ANO1: variants seen among roughly 807,000 people sequenced by gnomAD.
ANO1 encodes anoctamin-1.
ANO1 carries 59 observed loss-of-function variants against 124.0 expected under a neutral mutation model. The ratio of observed to expected loss-of-function variants is 0.48; its 90% CI spans 0.39 to 0.59. The LOEUF is 0.59. ANO1 is among the 20% of genes least tolerant of loss of function. ANO1 has a pLI of 0.00. For synonymous variants in ANO1, 529 were observed against 532.0 expected (o/e 0.99, Z 0.08); for missense variants, 1,059 against 1,328.0 (o/e 0.80, Z 3.15).
At chr11:70,063,676 G>A (rs1857649393) in intron 1 of ANO1, 1 of 152,092 alleles carries the variant, frequency 6.6e-6, no homozygotes, top group Admixed American at 6.5e-5. Flanking sequence ...ATAAGAACTG[G>A]TCATACCTAG....
At chr11:70,110,779 C>T (rs1283377934) in intron 6 of ANO1, among the ~76,000 whole-genome samples, 8 of 152,208 alleles carry the variant, frequency 5.3e-5, no homozygotes, top group African/African-American at 1.9e-4. Context: ...CCCATGGAAA[C>T]GCCCCCGCCT....
At chr11:70,104,703 G>A (rs971058522) in intron 4 of ANO1, among the ~76,000 whole-genome samples, 2 of 152,188 alleles carry the variant, frequency 1.3e-5, no homozygotes, top group African/African-American at 4.8e-5. Context: ...GGCCTCTGCT[G>A]GCCTCACTGG....
intron 1 of ANO1, among the ~76,000 whole-genome samples, chr11:70,065,680 C>T (rs1027480099): frequency 6.6e-6 from 1 of 152,024 alleles, no homozygotes; most frequent in Non-Finnish European, 1.5e-5. Context: ...CTGCCCTTGT[C>T]CCCCGTCGTC....
intron 8 of ANO1, among the ~76,000 whole-genome samples, chr11:70,122,433 TCCAC>T (rs2046330434): frequency 3.0e-5 from 4 of 133,292 alleles, no homozygotes; most frequent in African/African-American, 1.2e-4. Context: ...TCTGTCTCTC[TCCAC>T]CTCCCCACCT....
At chr11:70,107,304 G>A (rs560496343) in intron 5 of ANO1, among the ~76,000 whole-genome samples, 3 of 152,154 alleles carry the variant, frequency 2.0e-5, no homozygotes, top group Non-Finnish European at 2.9e-5. Context: ...CAGAGCCACC[G>A]GGAGGGTGGT....
chr11:70,131,302 AATGTGT>A (rs1342889841), intron 10 of ANO1, among the ~76,000 whole-genome samples: 1 of 139,334 alleles, frequency 7.2e-6, no homozygotes, highest in African/African-American at 2.7e-5. Context: ...TTCAAAAATC[AATGTGT>A]GTGTGTGTGT....
intron 1 of ANO1, among the ~76,000 whole-genome samples, chr11:70,052,531 C>CTTTTTTTTTTTTTTTTTTTTTTTTTT (rs200770702): frequency 4.6e-5 from 3 of 65,920 alleles, no homozygotes; most frequent in African/African-American, 1.1e-4. Flanking sequence ...TTTTTCTTTT[C>CTTTTTTTTTTTTTTTTTTTTTTTTTT]TTTTTTTTTT....
chr11:69,997,107 T>G (rs1401289119), intron 1 of ANO1, among the ~76,000 whole-genome samples: 1 of 152,226 alleles, frequency 6.6e-6, no homozygotes, highest in East Asian at 1.9e-4. Context: ...GCTTAAATTT[T>G]TGCTTTTATC....
chr11:70,176,561 C>T (rs570632529), intron 22 of ANO1, among the ~76,000 whole-genome samples: 86 of 152,238 alleles, frequency 5.6e-4, no homozygotes, highest in African/African-American at 2.0e-3. Flanking sequence ...TGAAGCCTCC[C>T]GGTAACAGGC....
chr11:70,040,892 G>A (rs1459637200), intron 1 of ANO1, among the ~76,000 whole-genome samples: 1 of 152,192 alleles, frequency 6.6e-6, no homozygotes, highest in East Asian at 1.9e-4. Flanking sequence ...AAGAAAAGGT[G>A]TAAGTCTTAA....
At chr11:70,063,208 C>A (rs1284548137) in intron 1 of ANO1, among the ~76,000 whole-genome samples, 1 of 152,078 alleles carries the variant, frequency 6.6e-6, no homozygotes, top group Non-Finnish European at 1.5e-5. Context: ...CGTGAGCCAC[C>A]GCGCCCAGCC....
intron 1 of ANO1, among the ~76,000 whole-genome samples, chr11:69,999,039 A>C (rs1856330247): frequency 6.6e-6 from 1 of 152,186 alleles, no homozygotes; most frequent in Admixed American, 6.5e-5. Context: ...CTCAAAAAAA[A>C]AAAAAAAAGA....
At chr11:70,123,133 T>G (rs2135475953) in intron 8 of ANO1, among the ~76,000 whole-genome samples, 1 of 151,722 alleles carries the variant, frequency 6.6e-6, no homozygotes, top group South Asian at 2.1e-4. Flanking sequence ...GGGGAAGGGG[T>G]CTGCCCAGGA....
chr11:70,140,939 C>T (rs2135570482), intron 11 of ANO1, among the ~76,000 whole-genome samples: 1 of 152,152 alleles, frequency 6.6e-6, no homozygotes, highest in East Asian at 1.9e-4. Flanking sequence ...CCTCATTTTT[C>T]CTAGTCCTCA....
chr11:70,152,549 A>T, intron 13 of ANO1, 88 bp downstream of exon 13: 1 of 1,477,528 alleles, frequency 6.8e-7, no homozygotes. Context: ...TCTTTCTACC[A>T]CGCAGTTCCC....
intron 1 of ANO1, among the ~76,000 whole-genome samples, chr11:69,990,848 T>C (rs577279823): frequency 6.6e-4 from 101 of 152,370 alleles, no homozygotes; most frequent in African/African-American, 2.4e-3. Flanking sequence ...GGAGTTTTTA[T>C]AGAGCTTGGA....
intron 1 of ANO1, among the ~76,000 whole-genome samples, chr11:70,030,880 C>G (rs12281602): frequency 6.6e-6 from 1 of 152,056 alleles, no homozygotes; most frequent in Non-Finnish European, 1.5e-5. Flanking sequence ...AAACACCCCC[C>G]GTTTTAATTG....
intron 25 of ANO1, among the ~76,000 whole-genome samples, chr11:70,186,456 T>G (rs548971251): frequency 6.6e-6 from 1 of 152,026 alleles, no homozygotes; most frequent in East Asian, 1.9e-4. Flanking sequence ...ACCATGTCTG[T>G]GGTAGCAGGC....
At chr11:70,021,783 C>G (rs1856814802) in intron 1 of ANO1, among the ~76,000 whole-genome samples, 1 of 152,180 alleles carries the variant, frequency 6.6e-6, no homozygotes, top group Non-Finnish European at 1.5e-5. Context: ...CCTGTAAACT[C>G]ATCCCTCTGT....
Sources: allele counts gnomAD v4.1 joint callset (sites outside exome capture counted in the v4.1 genomes callset), GRCh38; gene constraint gnomAD v4.1.1; transcripts MANE v1.5; gene names NCBI Gene and HGNC (gene_info 2026-07-23, HGNC 2026-07-21).